ICE2: variants seen among roughly 807,000 people sequenced by gnomAD.
ICE2 encodes interactor of little elongation complex ELL subunit 2.
In ICE2, 87 loss-of-function variants were observed where a neutral mutation model predicts 105.4. The ratio of observed to expected loss-of-function variants is 0.83; its 90% CI spans 0.69 to 0.99. The LOEUF is 0.99. Ranked by LOEUF, ICE2 falls within the 50% of genes least tolerant of loss-of-function variation. The pLI, the probability that ICE2 is intolerant of heterozygous loss-of-function variation, is 0.00. For missense variants in ICE2, 1,323 were observed against 1,146.7 expected (o/e 1.15, Z -2.22); for synonymous variants, 399 against 392.0 (o/e 1.02, Z -0.21).
chr15:60,435,419 G>A (rs2063562412), intron 13 of ICE2, among the ~76,000 whole-genome samples: 1 of 152,008 alleles, frequency 6.6e-6, no homozygotes, highest in African/African-American at 2.4e-5. Flanking sequence ...AACCAATATG[G>A]AGAAACCCTG....
rs367547422 is a variant in ICE2 at position 60,456,668 on chromosome 15, G to A, written c.655C>T (p.Leu219Phe). ...ATAATAAACCTTACCAATGCGAGAA[G>A]AGTTTTTTCTAACTTTAATCCCATC... ...VEMGLKLEKT[L>F]LALGSVKYVK... The change falls in exon 6 of 16, where the codon CTT (leucine) becomes TTT (phenylalanine). Residue 219 changes from leucine (L) to phenylalanine (F), a missense_variant. Coordinates refer to ENST00000261520, the MANE Select transcript of ICE2 (RefSeq NM_024611.6). The A allele has an allele frequency of 1.4e-5, 22 of 1,584,510 alleles. No homozygotes were observed. The highest frequency in any genetic ancestry group is 1.7e-5 in the Non-Finnish European group (20 of 1,168,372).
intron 8 of ICE2, 97 bp from the exon 9 acceptor site, chr15:60,453,881 G>T: frequency 1.1e-6 from 1 of 928,232 alleles, no homozygotes. Flanking sequence ...CAAACAAAGA[G>T]ACACAGGAGA....
rs1386765566 is a variant in ICE2 at position 60,422,059 on chromosome 15, C to T, written c.*1575G>A. 1 of 151,550 alleles carries T rather than the reference C, an allele frequency of 6.6e-6. No homozygotes were observed. The highest frequency in any genetic ancestry group is 1.5e-5 in the Non-Finnish European group (1 of 67,934). The allele number at this position is 151,550 out of a possible 1,614,324, so 9.4% of individuals were successfully genotyped here. A position where few individuals can be genotyped will look rare whatever the true frequency, so the allele number is the denominator to read the frequency against. On this transcript the variant is annotated 3_prime_UTR_variant, in exon 16 of 16. Transcript: ENST00000261520. ...GAAGCAATTATCTAGGATTACAAAA[C>T]TTATATTTTACAAATGACATACATA...
At position 60,466,982 on chromosome 15, in the gene ICE2, T is replaced by A. The variant is rs55682239; in HGVS notation, c.409-269A>T. On this transcript the variant is annotated intron_variant, in intron 4 of 15. Coordinates refer to ENST00000261520, the MANE Select transcript of ICE2 (RefSeq NM_024611.6). ...TTTTATAAAATGCTGTCAAAAAAAA[T>A]TTTTTTTTTTAATTTATTTTTTTGA... Among the ~76,000 whole-genome samples, 3,592 of 150,836 alleles carry A rather than the reference T, an allele frequency of 0.024. 151 individuals carry two copies. The highest frequency in any genetic ancestry group is 0.082 in the African/African-American group (3,372 of 41,184).
intron 12 of ICE2, among the ~76,000 whole-genome samples, chr15:60,437,304 G>C (rs1028720133): frequency 2.1e-4 from 32 of 150,734 alleles, no homozygotes; most frequent in African/African-American, 7.8e-4. Flanking sequence ...ATTTCCCAAA[G>C]TTAAAAAAAA....
chr15:60,459,901 C>T (rs561837478), intron 5 of ICE2, among the ~76,000 whole-genome samples: 4 of 151,678 alleles, frequency 2.6e-5, no homozygotes, highest in African/African-American at 9.7e-5. Flanking sequence ...AAAAAAAACA[C>T]AGAAAAAGTA....
chr15:60,422,689 A>G lies in ICE2; in HGVS notation c.*945T>C, dbSNP rs1283319384. 1 of 151,448 alleles carries G rather than the reference A, an allele frequency of 6.6e-6. No individual in the cohort carries two copies. Among genetic ancestry groups the G allele is most frequent in the African/African-American group, 2.4e-5 (1 of 41,254 alleles). The allele number at this position is 151,448 out of a possible 1,614,324, so 9.4% of individuals were successfully genotyped here. A position where few individuals can be genotyped will look rare whatever the true frequency, so the allele number is the denominator to read the frequency against. ...GTCTCTACTAAAAATACAAAAAAAA[A>G]TTAGCCAAGCCTGGTGGTAGGTGCC... On this transcript the variant is annotated 3_prime_UTR_variant, in exon 16 of 16. Transcript: ENST00000261520.
Position 60,448,049 on chromosome 15 carries a change from T to C in ICE2, c.2216A>G (p.Asp739Gly). ...NFVYKLFSLQ[D>G]LLLLVRCSVQ... ...ACTGCAGCGTACGAGTAACAACAGGTCTTGCAGGCTAAATAACTTATAAAC... is the reference window on the plus strand; with the variant it reads ...ACTGCAGCGTACGAGTAACAACAGGCCTTGCAGGCTAAATAACTTATAAAC... The change falls in exon 11 of 16, where the codon GAC (aspartate) becomes GGC (glycine). Residue 739 changes from aspartate (D) to glycine (G), a missense_variant. Coordinates refer to ENST00000261520, the MANE Select transcript of ICE2 (RefSeq NM_024611.6). 7 of 1,613,854 alleles carry C rather than the reference T, an allele frequency of 4.3e-6. No individual in the cohort carries two copies. Among genetic ancestry groups the C allele is most frequent in the Non-Finnish European group, 5.9e-6 (7 of 1,179,762 alleles).
At chr15:60,475,748 A>G (rs2064743221) in intron 3 of ICE2, among the ~76,000 whole-genome samples, 1 of 152,126 alleles carries the variant, frequency 6.6e-6, no homozygotes, top group African/African-American at 2.4e-5. Flanking sequence ...CTAAACAATT[A>G]TTAGTATAAT....
At chr15:60,454,762 T>G in intron 8 of ICE2, 1 of 366,916 alleles carries the variant, frequency 2.7e-6, no homozygotes, top group East Asian at 4.3e-5. Context: ...TAGCTATACA[T>G]GTGCCATGGT....
intron 11 of ICE2, among the ~76,000 whole-genome samples, chr15:60,443,442 G>T (rs1013585080): frequency 7.9e-5 from 12 of 152,196 alleles, no homozygotes; most frequent in Non-Finnish European, 1.5e-4. Context: ...GGCAAAGAGT[G>T]GGCTTGGTAC....
chr15:60,474,389 GC>G (rs1374938114), intron 3 of ICE2, among the ~76,000 whole-genome samples: 41 of 152,184 alleles, frequency 2.7e-4, no homozygotes, highest in Middle Eastern at 6.8e-3. Context: ...TAAAAAGGCT[GC>G]TCACTGTTTC....
chr15:60,474,854 G>T (rs1341525188), intron 3 of ICE2, among the ~76,000 whole-genome samples: 2 of 152,172 alleles, frequency 1.3e-5, no homozygotes, highest in East Asian at 3.8e-4. Flanking sequence ...AGGCAGAGTG[G>T]CTCCTGGCTG....
At chr15:60,445,665 T>G (rs1300991826) in intron 11 of ICE2, 1 of 985,018 alleles carries the variant, frequency 1.0e-6, no homozygotes, top group Non-Finnish European at 1.2e-6. Context: ...AAATTTCACC[T>G]TAGTCAAGTG....
intron 3 of ICE2, among the ~76,000 whole-genome samples, chr15:60,475,408 T>A (rs2064730975): frequency 6.6e-6 from 1 of 152,144 alleles, no homozygotes; most frequent in African/African-American, 2.4e-5. Flanking sequence ...TCTGTGAGTA[T>A]ATCTTACAGA....
intron 8 of ICE2, among the ~76,000 whole-genome samples, chr15:60,454,015 A>C (rs1308232975): frequency 6.6e-6 from 1 of 152,032 alleles, no homozygotes; most frequent in Non-Finnish European, 1.5e-5. Flanking sequence ...ATGTTTAAAA[A>C]GGATTTTCTG....
At chr15:60,451,104 TA>T in intron 9 of ICE2, 1 of 781,606 alleles carries the variant, frequency 1.3e-6, no homozygotes, top group Non-Finnish European at 1.6e-6. Flanking sequence ...ATAGTGGTCA[TA>T]AATTTTTATT....
In ICE2 at chr15:60,431,847, T is replaced by C. The variant is rs541637422; in HGVS notation, c.2561+87A>G. 6.9e-6 allele frequency: 5 copies of C among 726,292 alleles called. No homozygotes were observed. The African/African-American group carries it at 7.0e-5, about 10-fold the overall frequency. 45.0% of individuals were successfully genotyped at this position (726,292 alleles called of 1,614,324 possible). ...GCATTTCTAGGTTATTTTGTCTCTA[T>C]TCCTAACAGTACATTTTCAAAGTTT... On this transcript the variant is annotated intron_variant, in intron 14 of 15. Coordinates refer to ENST00000261520, the MANE Select transcript of ICE2 (RefSeq NM_024611.6).
At chr15:60,445,499 A>T in intron 11 of ICE2, 1 of 855,546 alleles carries the variant, frequency 1.2e-6, no homozygotes, top group African/African-American at 1.8e-5. Flanking sequence ...AACGGGGGCA[A>T]TGTAAGCATT....
Sources: allele counts gnomAD v4.1 joint callset (sites outside exome capture counted in the v4.1 genomes callset), GRCh38; gene constraint gnomAD v4.1.1; transcripts MANE v1.5; gene names NCBI Gene and HGNC (gene_info 2026-07-23, HGNC 2026-07-21).